Variants in GPR39 observed in about 807,000 individuals in gnomAD.
The protein encoded by GPR39 is zinc sensing receptor.
In GPR39, 23 loss-of-function variants were observed where a neutral mutation model predicts 18.4. The observed-to-expected ratio is 1.25, with a 90% CI of 0.90 to 1.77. GPR39 has a LOEUF of 1.77. Ranked by LOEUF, GPR39 falls within the 40% of genes most tolerant of loss-of-function variation. GPR39 has a pLI of 0.00. For missense variants in GPR39, 647 were observed against 602.4 expected (o/e 1.07, Z -0.78); for synonymous variants, 280 against 257.9 (o/e 1.09, Z -0.82).
intron 1 of GPR39, among the ~76,000 whole-genome samples, chr2:132,433,539 T>C (rs1454435018): frequency 6.6e-6 from 1 of 151,934 alleles, no homozygotes; most frequent in Non-Finnish European, 1.5e-5. Flanking sequence ...AAAGTGCCAC[T>C]AGTGGTGCTG....
chr2:132,636,811 A>G (rs780038165), intron 1 of GPR39, among the ~76,000 whole-genome samples: 52 of 152,208 alleles, frequency 3.4e-4, no homozygotes, highest in Non-Finnish European at 7.3e-4. Context: ...CCCGTGTGGT[A>G]TGCATCGACT....
intron 1 of GPR39, among the ~76,000 whole-genome samples, chr2:132,605,936 G>A (rs1035625788): frequency 1.3e-5 from 2 of 152,158 alleles, no homozygotes; most frequent in Admixed American, 6.5e-5. Flanking sequence ...TCATTTAGTG[G>A]GCTTGCCATC....
rs1237359342 is a variant in GPR39, at chr2:132,646,186, T to A, written c.*580T>A. 5.0e-6 allele frequency: 8 copies of A among 1,609,676 alleles called. No homozygotes were observed. Among genetic ancestry groups the A allele is most frequent in the Non-Finnish European group, 6.8e-6 (8 of 1,177,684 alleles). ...GGGTGTTGCAGCAGCTGATGCAAAC[T>A]GAGTTCAGTTTCCCTGGGGAGCAGA... On this transcript the variant is annotated 3_prime_UTR_variant, in exon 2 of 2. Transcript: ENST00000329321.
At chr2:132,479,230 A>G (rs1003014861) in intron 1 of GPR39, among the ~76,000 whole-genome samples, 2 of 152,210 alleles carry the variant, frequency 1.3e-5, no homozygotes, top group African/African-American at 4.8e-5. Flanking sequence ...TATGGCCTTA[A>G]GGAACTTTTT....
At chr2:132,501,636 T>C (rs1679038021) in intron 1 of GPR39, among the ~76,000 whole-genome samples, 1 of 152,162 alleles carries the variant, frequency 6.6e-6, no homozygotes, top group Non-Finnish European at 1.5e-5. Context: ...TTTAAGTCCA[T>C]TGTTTCTTTG....
At chr2:132,596,642 T>C (rs936192731) in intron 1 of GPR39, among the ~76,000 whole-genome samples, 7 of 152,190 alleles carry the variant, frequency 4.6e-5, no homozygotes, top group African/African-American at 1.7e-4. Flanking sequence ...TCCCAATCTT[T>C]ATTTTTCAAC....
chr2:132,462,899 A>G (rs548570866), intron 1 of GPR39, among the ~76,000 whole-genome samples: 7 of 152,304 alleles, frequency 4.6e-5, no homozygotes, highest in South Asian at 2.1e-4. Context: ...AAATATTCCT[A>G]TTTTTACTTA....
chr2:132,645,189 G>A lies in GPR39; in HGVS notation c.945G>A (p.Thr315=), dbSNP rs766108578. The change falls in exon 2 of 2, where the codon ACG becomes ACA. Residue 315 remains threonine, a synonymous_variant. Coordinates refer to ENST00000329321, the MANE Select transcript of GPR39 (RefSeq NM_001508.3). ...MAAAKPKHDW[T]RSYFRAYMIL... is the part of the protein sequence containing the mutation. ...CGGCCAAACCCAAGCACGACTGGAC[G>A]AGGTCCTACTTCCGGGCGTACATGA... 1.7e-5 allele frequency: 28 copies of A among 1,613,976 alleles called. 1 individual carries two copies. In the African/African-American group the frequency reaches 2.1e-4, roughly 12 times the overall value.
At chr2:132,622,880 G>T (rs1194662937) in intron 1 of GPR39, among the ~76,000 whole-genome samples, 1 of 152,152 alleles carries the variant, frequency 6.6e-6, no homozygotes, top group Non-Finnish European at 1.5e-5. Context: ...TTTGCAGACC[G>T]AGGTGGGAGG....
At chr2:132,444,324 A>G (rs1412027862) in intron 1 of GPR39, among the ~76,000 whole-genome samples, 1 of 151,622 alleles carries the variant, frequency 6.6e-6, no homozygotes, top group South Asian at 2.1e-4. Flanking sequence ...ACAGGGTCTC[A>G]CTCTTGTCAC....
chr2:132,638,357 T>A (rs1472765578), intron 1 of GPR39, among the ~76,000 whole-genome samples: 1 of 152,192 alleles, frequency 6.6e-6, no homozygotes, highest in Admixed American at 6.5e-5. Context: ...TCCACCTCAA[T>A]TTATGCTTCT....
intron 1 of GPR39, among the ~76,000 whole-genome samples, chr2:132,512,464 G>A (rs1016862577): frequency 4.2e-4 from 64 of 152,138 alleles, no homozygotes; most frequent in African/African-American, 1.5e-3. Flanking sequence ...GTGTGTTCTG[G>A]GTGTGCTTGG....
intron 1 of GPR39, among the ~76,000 whole-genome samples, chr2:132,564,266 C>T (rs1235987008): frequency 6.6e-6 from 1 of 152,204 alleles, no homozygotes; most frequent in Non-Finnish European, 1.5e-5. Context: ...GCCACCTGCA[C>T]CACCAGCCAA....
Position 132,645,600 on chromosome 2 carries a change from A to T in GPR39, c.1356A>T (p.Glu452Asp). 6.2e-7 allele frequency: 1 copy of T among 1,610,110 alleles called. No individual in the cohort carries two copies. Among genetic ancestry groups the T allele is most frequent in the Non-Finnish European group, 8.5e-7 (1 of 1,178,098 alleles). The change falls in exon 2 of 2, where the codon GAA (glutamate) becomes GAT (aspartate). Residue 452 changes from glutamate (E) to aspartate (D), a missense_variant. Glu to Asp is a conservative substitution (Grantham distance 45). Around this residue, in one of 3 missense-constraint regions of GPR39, gnomAD observed 581 missense variants for 506.8 expected, o/e 1.15. Transcript: ENST00000329321. Reference sequence around the variant, plus strand: ...CAGAGAATGGTTTTCAGGAGCATGAAGTTTGAATGTCAAGCGAGGGAGCCT... The same window carrying T: ...CAGAGAATGGTTTTCAGGAGCATGATGTTTGAATGTCAAGCGAGGGAGCCT... ...SAAENGFQEH[E>D]V
At chr2:132,617,335 G>A (rs1315906546) in intron 1 of GPR39, among the ~76,000 whole-genome samples, 3 of 151,776 alleles carry the variant, frequency 2.0e-5, no homozygotes, top group South Asian at 2.1e-4. Flanking sequence ...AGTTGTTTTC[G>A]AGGAGGCTGA....
chr2:132,633,567 A>G (rs1681691364), intron 1 of GPR39, among the ~76,000 whole-genome samples: 1 of 152,100 alleles, frequency 6.6e-6, no homozygotes, highest in Non-Finnish European at 1.5e-5. Context: ...TGAGGATTGG[A>G]AGGTATCTGA....
intron 1 of GPR39, among the ~76,000 whole-genome samples, chr2:132,487,264 AT>A: frequency 6.6e-6 from 1 of 152,338 alleles, no homozygotes; most frequent in Non-Finnish European, 1.5e-5. Flanking sequence ...AATGCAATAA[AT>A]TTTGGTTATT....
At chr2:132,493,289 A>G (rs1681548713) in intron 1 of GPR39, among the ~76,000 whole-genome samples, 1 of 146,332 alleles carries the variant, frequency 6.8e-6, no homozygotes, top group South Asian at 2.1e-4. Flanking sequence ...CATATATACC[A>G]TATATATACA....
intron 1 of GPR39, among the ~76,000 whole-genome samples, chr2:132,605,396 C>A (rs562316955): frequency 6.6e-6 from 1 of 151,942 alleles, no homozygotes; most frequent in East Asian, 1.9e-4. Context: ...GCCATTCATG[C>A]GGCCCATTAG....
Sources: gnomAD v4.1 joint callset for allele counts (sites outside exome capture counted in the v4.1 genomes callset) on GRCh38, gnomAD v4.1.1 for gene constraint, gnomAD v4.1.1 regional missense constraint, MANE v1.5 for transcripts, NCBI Gene and HGNC (gene_info 2026-07-23, HGNC 2026-07-21) for gene names.